MAGI1: variants seen among roughly 807,000 people sequenced by gnomAD.
The protein encoded by MAGI1 is membrane-associated guanylate kinase, WW and PDZ domain-containing protein 1.
In MAGI1, 58 loss-of-function variants were observed where a neutral mutation model predicts 139.9. The observed-to-expected ratio is 0.41, with a 90% CI of 0.34 to 0.52. MAGI1 has a LOEUF of 0.52. Ranked by LOEUF, MAGI1 falls within the 20% of genes least tolerant of loss-of-function variation. The pLI is 0.12. For missense variants in MAGI1, 1,874 were observed against 1,901.6 expected (o/e 0.99, Z 0.27); for synonymous variants, 812 against 737.9 (o/e 1.10, Z -1.63).
At chr3:65,791,294 C>A (rs2039754485) in intron 1 of MAGI1, among the ~76,000 whole-genome samples, 1 of 152,152 alleles carries the variant, frequency 6.6e-6, no homozygotes, top group African/African-American at 2.4e-5. Flanking sequence ...GCGCATCAGA[C>A]AATGAAGACA....
chr3:65,764,263 T>C (rs990515572), intron 1 of MAGI1, among the ~76,000 whole-genome samples: 1 of 151,868 alleles, frequency 6.6e-6, no homozygotes, highest in African/African-American at 2.4e-5. Context: ...AATGGCATGA[T>C]ACTTAATGAT....
At chr3:65,984,943 A>ATT (rs2107308390) in intron 1 of MAGI1, among the ~76,000 whole-genome samples, 1 of 152,206 alleles carries the variant, frequency 6.6e-6, no homozygotes, top group South Asian at 2.1e-4. Context: ...GAGGACAGAT[A>ATT]TTTGGAGGTC....
chr3:65,429,097 T>C (rs1368645464), intron 12 of MAGI1, among the ~76,000 whole-genome samples: 2 of 151,992 alleles, frequency 1.3e-5, no homozygotes, highest in Non-Finnish European at 2.9e-5. Context: ...TCAGGAGATT[T>C]AAAGGATAAA....
chr3:65,678,358 G>T (rs1247851962), intron 1 of MAGI1, among the ~76,000 whole-genome samples: 1 of 21,610 alleles, frequency 4.6e-5, no homozygotes, highest in Non-Finnish European at 8.8e-5. Context: ...AAAATAAAAA[G>T]GTAAAAAAAA....
intron 1 of MAGI1, among the ~76,000 whole-genome samples, chr3:65,946,610 A>G (rs1161842157): frequency 1.3e-5 from 2 of 151,996 alleles, no homozygotes; most frequent in Non-Finnish European, 2.9e-5. Flanking sequence ...GCTGCTGGTT[A>G]TGTCATCTGC....
intron 2 of MAGI1, among the ~76,000 whole-genome samples, chr3:65,592,154 T>G (rs1004481500): frequency 4.6e-5 from 7 of 152,154 alleles, no homozygotes; most frequent in Admixed American, 6.5e-5. Flanking sequence ...AATAAATACT[T>G]GTTGAATAAA....
intron 1 of MAGI1, among the ~76,000 whole-genome samples, chr3:65,671,413 C>T (rs981722497): frequency 6.6e-6 from 1 of 152,142 alleles, no homozygotes; most frequent in Non-Finnish European, 1.5e-5. Context: ...AAATGTCTCC[C>T]ATAGGAACCA....
At chr3:65,753,338 C>T (rs1247179822) in intron 1 of MAGI1, among the ~76,000 whole-genome samples, 1 of 152,140 alleles carries the variant, frequency 6.6e-6, no homozygotes, top group Non-Finnish European at 1.5e-5. Context: ...AACACCAATA[C>T]GAAGCACTCT....
Position 65,710,259 on chromosome 3 carries a change from C to G in MAGI1, c.314-88171G>C, listed in dbSNP as rs1420939740. On this transcript the variant is annotated intron_variant, in intron 1 of 22. Transcript: ENST00000402939. ...CTTTACTTGGTGAATCACTTATTAA[C>G]CTTACATTTCTTTTTTTTTTTTTTT... Among the ~76,000 whole-genome samples the G allele has an allele frequency of 2.7e-5, 4 of 147,222 alleles. No homozygotes were observed. The East Asian group carries it at 7.9e-4, about 29-fold the overall frequency.
At position 65,894,553 on chromosome 3, in the gene MAGI1, A is replaced by C. The variant is rs79501312; in HGVS notation, c.313+143443T>G. 7.3e-3 allele frequency among the ~76,000 whole-genome samples: 1,116 copies of C among 152,362 alleles called. 13 individuals carry two copies. The highest frequency in any genetic ancestry group is 0.025 in the African/African-American group (1,059 of 41,578). The stretch of plus-strand genomic sequence containing the variant: ...GCATTCTTAGTTTACCAGTGATGTC[A>C]AATGTTAGCATTTTCTTTGTTGTTG... On this transcript the variant is annotated intron_variant, in intron 1 of 22. Transcript: ENST00000402939.
At chr3:65,464,085 T>C (rs545258367) in intron 5 of MAGI1, among the ~76,000 whole-genome samples, 2 of 152,314 alleles carry the variant, frequency 1.3e-5, no homozygotes, top group East Asian at 1.9e-4. Context: ...TTAGGGTCCA[T>C]AGTGACTCCT....
At chr3:65,940,644 C>CTA (rs2063267796) in intron 1 of MAGI1, among the ~76,000 whole-genome samples, 1 of 152,224 alleles carries the variant, frequency 6.6e-6, no homozygotes, top group Admixed American at 6.5e-5. Context: ...CACATTCAGT[C>CTA]TATAACACGG....
At chr3:65,841,723 G>A (rs2058814277) in intron 1 of MAGI1, among the ~76,000 whole-genome samples, 2 of 152,136 alleles carry the variant, frequency 1.3e-5, no homozygotes, top group East Asian at 1.9e-4. Context: ...ACCGTGCTCG[G>A]CCAATTTTCC....
In MAGI1 at chr3:65,722,695, C is replaced by T. The variant is rs1193491949; in HGVS notation, c.314-100607G>A. 2.0e-5 allele frequency among the ~76,000 whole-genome samples: 3 copies of T among 150,070 alleles called. No individual in the cohort carries two copies. The South Asian group carries it at 6.2e-4, about 31-fold the overall frequency. ...ACATGGTTGTTAAACTCTGTGATAA[C>T]AAAGACTAAATTTTATCTAAATCAT... On this transcript the variant is annotated intron_variant, in intron 1 of 22. Transcript: ENST00000402939.
Position 65,439,900 on chromosome 3 carries a change from GC to G in MAGI1, c.1248del (p.Gln416HisfsTer51). ...CAACCTTCTGTCTGCTGCTGCTGCT[GC>G]TGCTGCTGCTGCTGTTGCTGCTGCT... The part of the protein sequence containing the change: ...QQQQQQQQQQ[Q>X]QQQQQTEEWT... On this transcript the variant is annotated frameshift_variant, in exon 9 of 23. Transcript: ENST00000402939. LOFTEE classifies it high-confidence loss of function. 1 of 1,609,190 alleles carries G rather than the reference GC, an allele frequency of 6.2e-7. No homozygotes were observed.
chr3:66,020,833 G>A (rs1344203166), intron 1 of MAGI1, among the ~76,000 whole-genome samples: 1 of 152,064 alleles, frequency 6.6e-6, no homozygotes, highest in Non-Finnish European at 1.5e-5. Flanking sequence ...CTCATTACAG[G>A]TGCTGGAGAC....
At chr3:65,770,636 AATATT>A (rs1366871345) in intron 1 of MAGI1, among the ~76,000 whole-genome samples, 5 of 152,198 alleles carry the variant, frequency 3.3e-5, no homozygotes, top group Non-Finnish European at 7.3e-5. Context: ...GCATTAGAAA[AATATT>A]AGATGTTTGC....
intron 1 of MAGI1, among the ~76,000 whole-genome samples, chr3:65,673,127 C>G (rs1388206133): frequency 6.6e-6 from 1 of 152,084 alleles, no homozygotes; most frequent in Non-Finnish European, 1.5e-5. Context: ...TTTTGTTCAC[C>G]TAAATTAAGA....
At chr3:65,506,248 A>T (rs982768333) in intron 2 of MAGI1, among the ~76,000 whole-genome samples, 3 of 152,184 alleles carry the variant, frequency 2.0e-5, no homozygotes, top group African/African-American at 7.2e-5. Context: ...TGCATGCCTC[A>T]TAAGACTGTG....
Sources: gnomAD v4.1 joint callset for allele counts (sites outside exome capture counted in the v4.1 genomes callset) on GRCh38, gnomAD v4.1.1 for gene constraint, MANE v1.5 for transcripts, NCBI Gene and HGNC (gene_info 2026-07-23, HGNC 2026-07-21) for gene names.